SCAMP1: variants seen among roughly 807,000 people sequenced by gnomAD.
SCAMP1 encodes secretory carrier-associated membrane protein 1.
A neutral mutation model predicts 41.8 loss-of-function variants in SCAMP1; 15 were observed. The observed-to-expected ratio is 0.36, with a 90% CI of 0.24 to 0.55. SCAMP1 has a LOEUF of 0.55. Among genes scored for constraint, SCAMP1 ranks in the 20% least tolerant of loss-of-function variants. The probability of loss-of-function intolerance (pLI) is 0.86; values close to 1 mark genes in which losing one functional copy is unlikely to be tolerated. For synonymous variants in SCAMP1, 135 were observed against 136.8 expected (o/e 0.99, Z 0.09); for missense variants, 341 against 412.6 (o/e 0.83, Z 1.50).
At chr5:78,366,144 CTTTTCTTT>C (rs1442744909) in intron 1 of SCAMP1, among the ~76,000 whole-genome samples, 1 of 135,668 alleles carries the variant, frequency 7.4e-6, no homozygotes, top group African/African-American at 2.7e-5. Flanking sequence ...CTTTTCTTTT[CTTTTCTTT>C]TTTTTTTTTG....
In SCAMP1 at chr5:78,430,085, GTATT is replaced by G. The variant is rs746477172; in HGVS notation, c.632+8133_632+8136del. Among the ~76,000 whole-genome samples the G allele has an allele frequency of 2.1e-3, 165 of 80,472 alleles. 3 individuals carry two copies. The highest frequency in any genetic ancestry group is 7.7e-3 in the African/African-American group (154 of 20,040). The allele number at this position is 80,472 out of a possible 152,430, so 52.8% of individuals were successfully genotyped here. A position where few individuals can be genotyped will look rare whatever the true frequency, so the allele number is the denominator to read the frequency against. ...AATACAGTATTTATTTATAAATACA[GTATT>G]TATTTATAAATACAGTATTTATTTA... On this transcript the variant is annotated intron_variant, in intron 6 of 8. Transcript: ENST00000621999.
chr5:78,399,870 A>G (rs1751755921), intron 2 of SCAMP1, among the ~76,000 whole-genome samples: 1 of 152,218 alleles, frequency 6.6e-6, no homozygotes, highest in Non-Finnish European at 1.5e-5. Context: ...ACCATACCCA[A>G]GGTCAATTAA....
chr5:78,370,697 A>C (rs571269550), intron 1 of SCAMP1: 1 of 152,176 alleles, frequency 6.6e-6, no homozygotes, highest in African/African-American at 2.4e-5. Flanking sequence ...ATATATACCT[A>C]CAAGTGGAAT....
At chr5:78,426,839 C>T (rs1482488374) in intron 6 of SCAMP1, among the ~76,000 whole-genome samples, 1 of 152,106 alleles carries the variant, frequency 6.6e-6, no homozygotes, top group Non-Finnish European at 1.5e-5. Flanking sequence ...TTGCTGTTTT[C>T]TTTTACTTAG....
At chr5:78,474,364 G>T (rs1753954653) in intron 8 of SCAMP1, among the ~76,000 whole-genome samples, 2 of 152,098 alleles carry the variant, frequency 1.3e-5, no homozygotes, top group South Asian at 4.1e-4. Flanking sequence ...CCCAAGCTTT[G>T]AACCAAACCT....
intron 7 of SCAMP1, among the ~76,000 whole-genome samples, chr5:78,456,484 C>G (rs981177579): frequency 1.3e-5 from 2 of 151,762 alleles, no homozygotes; most frequent in African/African-American, 2.4e-5. Context: ...GTTGAAAATT[C>G]TTTTCTTTAA....
intron 1 of SCAMP1, among the ~76,000 whole-genome samples, chr5:78,387,057 CTT>C (rs891504442): frequency 1.3e-5 from 2 of 152,152 alleles, no homozygotes; most frequent in African/African-American, 4.8e-5. Flanking sequence ...GTTTTCCAAA[CTT>C]TTAGATTTCT....
intron 6 of SCAMP1, among the ~76,000 whole-genome samples, chr5:78,422,997 G>A (rs1286092317): frequency 6.7e-6 from 1 of 148,986 alleles, no homozygotes; most frequent in African/African-American, 2.5e-5. Flanking sequence ...TAACCAGAAT[G>A]TGTAACACAC....
chr5:78,379,124 A>C (rs191246538), intron 1 of SCAMP1, among the ~76,000 whole-genome samples: 6 of 152,240 alleles, frequency 3.9e-5, no homozygotes, highest in Admixed American at 1.3e-4. Flanking sequence ...GGAAAGTCCT[A>C]GTTTAATTTT....
At chr5:78,402,544 T>G (rs1751825653) in intron 2 of SCAMP1, among the ~76,000 whole-genome samples, 2 of 152,200 alleles carry the variant, frequency 1.3e-5, no homozygotes. Context: ...TCTTGGAGAA[T>G]TGACCCATGT....
At chr5:78,388,224 G>T (rs921158771) in intron 1 of SCAMP1, among the ~76,000 whole-genome samples, 1 of 152,166 alleles carries the variant, frequency 6.6e-6, no homozygotes, top group Non-Finnish European at 1.5e-5. Context: ...CCCTCTCACT[G>T]TGTGATTTGG....
At chr5:78,366,775 C>T (rs1044196329) in intron 1 of SCAMP1, among the ~76,000 whole-genome samples, 8 of 151,946 alleles carry the variant, frequency 5.3e-5, no homozygotes, top group Non-Finnish European at 2.9e-5. Context: ...TGCTTGAACC[C>T]AAGAGTTTGA....
chr5:78,472,484 G>C (rs1262093093), intron 8 of SCAMP1, among the ~76,000 whole-genome samples: 1 of 151,742 alleles, frequency 6.6e-6, no homozygotes, highest in Non-Finnish European at 1.5e-5. Flanking sequence ...ATTATTAATA[G>C]ATACCATCTG....
At chr5:78,448,595 G>C (rs1158809081) in intron 6 of SCAMP1, among the ~76,000 whole-genome samples, 2 of 152,176 alleles carry the variant, frequency 1.3e-5, no homozygotes, top group Non-Finnish European at 2.9e-5. Flanking sequence ...TTAAAACCAT[G>C]TAAGATATTA....
intron 2 of SCAMP1, among the ~76,000 whole-genome samples, chr5:78,407,829 G>A (rs539829754): frequency 6.6e-6 from 1 of 152,000 alleles, no homozygotes; most frequent in South Asian, 2.1e-4. Flanking sequence ...CATTATTATA[G>A]TTTTCATTTC....
chr5:78,405,936 A>C (rs191087282), intron 2 of SCAMP1, among the ~76,000 whole-genome samples: 1 of 152,282 alleles, frequency 6.6e-6, no homozygotes, highest in Admixed American at 6.5e-5. Context: ...GTTTGTCCTG[A>C]TTCTGAGATT....
At chr5:78,362,949 A>G (rs992114036) in intron 1 of SCAMP1, among the ~76,000 whole-genome samples, 8 of 145,946 alleles carry the variant, frequency 5.5e-5, no homozygotes, top group Admixed American at 2.1e-4. Context: ...CTGGAGTGCA[A>G]TGGCGTGATC....
At chr5:78,398,355 CTTTTTTTTTTT>C (rs1197381285) in intron 2 of SCAMP1, among the ~76,000 whole-genome samples, 39 of 57,484 alleles carry the variant, frequency 6.8e-4, no homozygotes, top group African/African-American at 2.0e-3. Flanking sequence ...GGGTTCACCT[CTTTTTTTTTTT>C]TTTTTTTTTT....
intron 2 of SCAMP1, among the ~76,000 whole-genome samples, chr5:78,405,184 T>G (rs1002093999): frequency 2.0e-5 from 3 of 152,222 alleles, no homozygotes; most frequent in Non-Finnish European, 4.4e-5. Context: ...GGTGGAGTGG[T>G]AAATTCTAAA....
Sources: allele counts gnomAD v4.1 joint callset (sites outside exome capture counted in the v4.1 genomes callset), GRCh38; gene constraint gnomAD v4.1.1; transcripts MANE v1.5; gene names NCBI Gene and HGNC (gene_info 2026-07-23, HGNC 2026-07-21).